Variants in NUBPL observed in about 807,000 individuals in gnomAD.
The protein encoded by NUBPL is NUBP iron-sulfur cluster assembly factor, mitochondrial.
Under a neutral mutation model 45.7 loss-of-function variants are expected in NUBPL, and 31 were observed. The ratio of observed to expected loss-of-function variants is 0.68; its 90% CI spans 0.51 to 0.92. The LOEUF (loss-of-function observed/expected upper bound fraction) is 0.92, where lower values mean the gene tolerates loss of function less well. NUBPL is among the 40% of genes least tolerant of loss of function. The pLI, the probability that NUBPL is intolerant of heterozygous loss-of-function variation, is 0.00. For synonymous variants in NUBPL, 144 were observed against 140.9 expected (o/e 1.02, Z -0.15); for missense variants, 401 against 398.7 (o/e 1.01, Z -0.05).
At chr14:31,857,928 C>T (rs1462176163) in intron 10 of NUBPL, among the ~76,000 whole-genome samples, 9 of 152,148 alleles carry the variant, frequency 5.9e-5, no homozygotes, top group African/African-American at 2.2e-4. Context: ...TCCACATTTT[C>T]GGGTATCTTT....
chr14:31,813,685 T>C (rs539395067), intron 7 of NUBPL, among the ~76,000 whole-genome samples: 1 of 152,216 alleles, frequency 6.6e-6, no homozygotes, highest in East Asian at 1.9e-4. Flanking sequence ...ATCTCTCCCC[T>C]GGCCCCCAAC....
At chr14:31,655,404 A>G (rs374297310) in intron 4 of NUBPL, among the ~76,000 whole-genome samples, 5 of 152,170 alleles carry the variant, frequency 3.3e-5, no homozygotes, top group East Asian at 1.9e-4. Context: ...TGCATTGTCA[A>G]TGAGCAGTAA....
intron 3 of NUBPL, among the ~76,000 whole-genome samples, chr14:31,584,864 A>G (rs1210239777): frequency 6.6e-6 from 1 of 152,124 alleles, no homozygotes; most frequent in East Asian, 1.9e-4. Context: ...TTCTCATTTT[A>G]TTGGATTATC....
At chr14:31,592,326 G>A (rs2034163604) in intron 3 of NUBPL, among the ~76,000 whole-genome samples, 2 of 152,110 alleles carry the variant, frequency 1.3e-5, no homozygotes, top group Admixed American at 1.3e-4. Flanking sequence ...GAACTGACTG[G>A]GTTATGTGGG....
intron 3 of NUBPL, among the ~76,000 whole-genome samples, chr14:31,572,277 C>CTACA (rs2033606645): frequency 1.3e-5 from 2 of 151,930 alleles, no homozygotes; most frequent in Non-Finnish European, 2.9e-5. Context: ...GTAGCTGGGA[C>CTACA]TACAGGTACC....
At chr14:31,761,599 T>C (rs1298527563) in intron 6 of NUBPL, among the ~76,000 whole-genome samples, 1 of 152,194 alleles carries the variant, frequency 6.6e-6, no homozygotes, top group African/African-American at 2.4e-5. Context: ...TCTCCCTTAG[T>C]AGTGAAGTGA....
chr14:31,579,885 A>T (rs1185460922), intron 3 of NUBPL, among the ~76,000 whole-genome samples: 1 of 152,202 alleles, frequency 6.6e-6, no homozygotes, highest in East Asian at 1.9e-4. Context: ...AGTTAATTTA[A>T]AAAATTGAGG....
At chr14:31,729,588 T>G (rs1427996597) in intron 6 of NUBPL, among the ~76,000 whole-genome samples, 1 of 152,172 alleles carries the variant, frequency 6.6e-6, no homozygotes, top group Non-Finnish European at 1.5e-5. Flanking sequence ...TCCACATTAA[T>G]AGAATCTTTT....
chr14:31,625,623 A>G (rs774530864), intron 4 of NUBPL, among the ~76,000 whole-genome samples: 4 of 151,812 alleles, frequency 2.6e-5, no homozygotes, highest in Admixed American at 6.6e-5. Flanking sequence ...CTACAGGGGC[A>G]TGCCACCACA....
intron 6 of NUBPL, among the ~76,000 whole-genome samples, chr14:31,781,640 A>ATAGAGAC (rs2039193189): frequency 6.6e-6 from 1 of 152,254 alleles, no homozygotes; most frequent in Non-Finnish European, 1.5e-5. Flanking sequence ...TTATTTTAAC[A>ATAGAGAC]TAGAGGGCCA....
At chr14:31,813,552 CAT>C (rs2039857783) in intron 7 of NUBPL, among the ~76,000 whole-genome samples, 1 of 151,744 alleles carries the variant, frequency 6.6e-6, no homozygotes, top group South Asian at 2.1e-4. Flanking sequence ...CACACACACA[CAT>C]ACTTTAAGTC....
At chr14:31,587,185 C>T (rs2034016900) in intron 3 of NUBPL, among the ~76,000 whole-genome samples, 1 of 152,014 alleles carries the variant, frequency 6.6e-6, no homozygotes, top group Non-Finnish European at 1.5e-5. Context: ...TAACAAGTTG[C>T]CCGGGTGGTT....
At chr14:31,764,084 A>G (rs541783158) in intron 6 of NUBPL, among the ~76,000 whole-genome samples, 67 of 152,138 alleles carry the variant, frequency 4.4e-4, no homozygotes, top group Non-Finnish European at 7.4e-4. Flanking sequence ...ATTGAGCCCT[A>G]TCATGATCCA....
At chr14:31,739,718 T>G (rs10150573) in intron 6 of NUBPL, among the ~76,000 whole-genome samples, 5,569 of 152,294 alleles carry the variant, frequency 0.037, 136 homozygotes, top group African/African-American at 0.076. Context: ...TGCTGTACAT[T>G]TTATAGGTTT....
chr14:31,561,543 G>T lies in NUBPL; in HGVS notation c.104G>T (p.Arg35Leu), dbSNP rs2033279766. 6.5e-6 allele frequency: 9 copies of T among 1,377,802 alleles called. No homozygotes were observed. Among genetic ancestry groups the T allele is most frequent in the East Asian group, 2.8e-5 (1 of 36,318 alleles). 85.3% of individuals were successfully genotyped at this position (1,377,802 alleles called of 1,614,324 possible). The change falls in exon 1 of 11, where the codon CGC becomes CTC. Residue 35 changes from arginine to leucine, a missense_variant. Coordinates refer to ENST00000281081, the MANE Select transcript of NUBPL (RefSeq NM_025152.3). ...LGGSRAMVCG[R>L]QLSGAGSETL... ...GGAAGCCGAGCGATGGTTTGTGGGC[G>T]CCAGGTCCGTGGTGCTGCAGGGCAG...
At chr14:31,787,411 A>C (rs531640401) in intron 6 of NUBPL, among the ~76,000 whole-genome samples, 1 of 152,322 alleles carries the variant, frequency 6.6e-6, no homozygotes, top group Admixed American at 6.5e-5. Context: ...TAGCATGGGA[A>C]ATGCAAAATT....
chr14:31,630,533 T>A (rs1248993042), intron 4 of NUBPL, among the ~76,000 whole-genome samples: 1 of 152,178 alleles, frequency 6.6e-6, no homozygotes, highest in Non-Finnish European at 1.5e-5. Context: ...CTCTGCCTAG[T>A]TCTAGAAGTC....
intron 10 of NUBPL, among the ~76,000 whole-genome samples, chr14:31,855,345 C>A (rs892656897): frequency 6.6e-6 from 1 of 152,124 alleles, no homozygotes; most frequent in African/African-American, 2.4e-5. Context: ...GAGAAGAACC[C>A]ATTTTTAGAC....
chr14:31,858,209 C>T lies in NUBPL; in HGVS notation c.898-909C>T, dbSNP rs541297921. Among the ~76,000 whole-genome samples the T allele has an allele frequency of 1.4e-4, 21 of 152,274 alleles. 1 individual carries two copies. Among genetic ancestry groups the T allele is most frequent in the Middle Eastern group, 3.4e-3 (1 of 294 alleles). ...TATCAGATCTCATGAGACTTATTAT[C>T]ACAAGACCAGCATGGGAAAGACCCA... On this transcript the variant is annotated intron_variant, in intron 10 of 10. Coordinates refer to ENST00000281081, the MANE Select transcript of NUBPL (RefSeq NM_025152.3).
Sources: gnomAD v4.1 joint callset for allele counts (sites outside exome capture counted in the v4.1 genomes callset) on GRCh38, gnomAD v4.1.1 for gene constraint, MANE v1.5 for transcripts, NCBI Gene and HGNC (gene_info 2026-07-23, HGNC 2026-07-21) for gene names.